BRCC3: variants seen among roughly 807,000 people sequenced by gnomAD.
BRCC3 encodes the protein BRCA1/BRCA2-containing complex subunit 3.
In BRCC3, 15 loss-of-function variants were observed where a neutral mutation model predicts 28.0. The observed-to-expected ratio is 0.54, with a 90% CI of 0.36 to 0.82. BRCC3 has a LOEUF of 0.82. BRCC3 is among the 40% of genes least tolerant of loss of function. BRCC3 has a pLI of 0.01. For synonymous variants in BRCC3, 66 were observed against 80.3 expected, an observed-to-expected ratio of 0.82 and a Z score of 0.95; for missense variants, 109 against 225.9, an observed-to-expected ratio of 0.48 and a Z score of 3.32.
intron 5 of BRCC3, among the ~76,000 whole-genome samples, chrX:155,080,034 G>T (rs187751165): frequency 1.8e-5 from 2 of 111,311 alleles, no homozygotes; most frequent in African/African-American, 6.5e-5. Flanking sequence ...TCCCAATAAA[G>T]TTGTTTTTAT....
At chrX:155,078,090 T>C (rs2074060020) in intron 4 of BRCC3, among the ~76,000 whole-genome samples, 1 of 112,696 alleles carries the variant, frequency 8.9e-6, no homozygotes, top group Non-Finnish European at 1.9e-5. Flanking sequence ...GCACTTACTC[T>C]TCACTGCTCT....
At chrX:155,082,709 A>G (rs782271726) in intron 5 of BRCC3, among the ~76,000 whole-genome samples, 1 of 112,366 alleles carries the variant, frequency 8.9e-6, no homozygotes, top group South Asian at 3.7e-4. Context: ...CCACAGTGCA[A>G]TTGTCAAAAT....
At chrX:155,095,626 T>C (rs1602785067) in intron 7 of BRCC3, among the ~76,000 whole-genome samples, 1 of 111,779 alleles carries the variant, frequency 8.9e-6, no homozygotes, top group South Asian at 3.7e-4. Context: ...TTTAATATAG[T>C]GTAGCCTAAG....
intron 7 of BRCC3, among the ~76,000 whole-genome samples, chrX:155,102,259 T>C (rs1557296961): frequency 1.8e-5 from 2 of 112,152 alleles, no homozygotes; most frequent in African/African-American, 6.5e-5. Flanking sequence ...AGGTCTTTAA[T>C]TATCTCAGTA....
intron 3 of BRCC3, among the ~76,000 whole-genome samples, chrX:155,076,419 C>A (rs1557293642): frequency 9.1e-6 from 1 of 110,376 alleles, no homozygotes; most frequent in African/African-American, 3.3e-5. Context: ...AAAAAAAAAA[C>A]TCCCTGAGAC....
chrX:155,120,056 G>A lies in BRCC3; in HGVS notation c.782G>A (p.Trp261Ter), dbSNP rs1557299238. 8.3e-7 allele frequency: 1 copy of A among 1,206,779 alleles called. No individual in the cohort carries two copies. The highest frequency in any genetic ancestry group is 2.2e-5 in the Admixed American group (1 of 46,025). The change falls in exon 10 of 11, where the codon TGG (tryptophan) becomes TAG (stop). Residue 261 changes from tryptophan (W) to a stop codon, truncating the protein, a stop_gained. Transcript: ENST00000330045. LOFTEE classifies it high-confidence loss of function. ...GCAGTCAGCGGGCCTCTCCTACAGT[G>A]GTTGGAGGACAGACTGGAGCAAAAC... ...MSAVSGPLLQ[W>*]LEDRLEQNQQ...
rs2124222538 is a variant in BRCC3, at chrX:155,071,534, G to A, written c.7G>A (p.Val3Met). 1 of 1,203,038 alleles carries A rather than the reference G, an allele frequency of 8.3e-7. No homozygotes were observed. Among genetic ancestry groups the A allele is most frequent in the East Asian group, 3.0e-5 (1 of 33,474 alleles). The stretch of plus-strand genomic sequence containing the variant: ...TGAGAAGGGTCGGGCCAAGATGGCG[G>A]TGCAGGTGGTGCAGGCGGTGCAGGC... MA[V>M]QVVQAVQAVH... Residue 3 changes from valine (V) to methionine (M), a missense_variant, in exon 1 of 11, where the codon GTG becomes ATG. Transcript: ENST00000330045.
intron 7 of BRCC3, among the ~76,000 whole-genome samples, chrX:155,096,590 T>C (rs1403918077): frequency 8.9e-6 from 1 of 112,177 alleles, no homozygotes; most frequent in African/African-American, 3.2e-5. Context: ...CTACCCAATG[T>C]CATCTACAGA....
chrX:155,075,431 C>G (rs983500654), intron 3 of BRCC3, among the ~76,000 whole-genome samples: 2 of 111,652 alleles, frequency 1.8e-5, no homozygotes, highest in African/African-American at 6.6e-5. Flanking sequence ...CTGTTTGAGT[C>G]TAAGCTATAA....
At chrX:155,116,516 G>C (rs1164851408) in intron 8 of BRCC3, among the ~76,000 whole-genome samples, 195 bp from the exon 9 acceptor site, 1 of 111,883 alleles carries the variant, frequency 8.9e-6, no homozygotes, top group Non-Finnish European at 1.9e-5. Flanking sequence ...GCTTTGGTGA[G>C]AGACAGCAAT....
intron 5 of BRCC3, among the ~76,000 whole-genome samples, chrX:155,084,426 G>A (rs1042950664): frequency 4.5e-5 from 5 of 110,734 alleles, no homozygotes; most frequent in Admixed American, 9.5e-5. Context: ...GCAGTGGCAC[G>A]ATCTCAGCTC....
intron 7 of BRCC3, among the ~76,000 whole-genome samples, chrX:155,107,600 T>A (rs1293326477): frequency 9.0e-6 from 1 of 111,709 alleles, no homozygotes; most frequent in Admixed American, 9.5e-5. Flanking sequence ...TCTCTGATAA[T>A]TCTCAACCCC....
At chrX:155,086,642 T>C (rs997429770) in intron 5 of BRCC3, among the ~76,000 whole-genome samples, 8 of 111,585 alleles carry the variant, frequency 7.2e-5, no homozygotes, top group African/African-American at 2.6e-4. Context: ...CAGCGCCATC[T>C]GGTGGATCCT....
At position 155,085,733 on chromosome X, in the gene BRCC3, C is replaced by A. The variant is rs781880388; in HGVS notation, c.404-3530C>A. Among the ~76,000 whole-genome samples, 8 of 112,357 alleles carry A rather than the reference C, an allele frequency of 7.1e-5. No individual in the cohort carries two copies. The South Asian group carries it at 3.0e-3, about 42-fold the overall frequency. On this transcript the variant is annotated intron_variant, in intron 5 of 10. Coordinates refer to ENST00000330045, the MANE Select transcript of BRCC3 (RefSeq NM_001018055.3). ...TGTCACCAGAAAGTTCCATCTCCCT[C>A]TCTCAGTAACAGGGAGAAGTGGAAC... is the stretch of plus-strand genomic sequence containing the variant.
chrX:155,102,255 T>G (rs782390050), intron 7 of BRCC3, among the ~76,000 whole-genome samples: 141 of 112,183 alleles, frequency 1.3e-3, no homozygotes, highest in African/African-American at 4.3e-3. Context: ...ATTTAGGTCT[T>G]TAATTATCTC....
At chrX:155,113,090 T>C (rs2074331681) in intron 7 of BRCC3, among the ~76,000 whole-genome samples, 1 of 100,572 alleles carries the variant, frequency 9.9e-6, no homozygotes, top group Admixed American at 1.1e-4. Context: ...TTTAATGCAA[T>C]CACTGTAAAC....
chrX:155,078,129 A>T (rs1362976592), intron 4 of BRCC3, among the ~76,000 whole-genome samples: 1 of 113,010 alleles, frequency 8.8e-6, no homozygotes, highest in Non-Finnish European at 1.9e-5. Context: ...CTCAGTCTGC[A>T]GCTGAAGAAA....
At position 155,089,312 on chromosome X, in the gene BRCC3, A is replaced by G; in HGVS notation, c.453A>G (p.Gly151=). ...MYQMMDQGFV[G]LIFSCFIEDK... ...AGATGATGGATCAAGGCTTTGTAGG[A>G]CTTATTTTTTCCTGTTTCATAGAAG... Residue 151 remains glycine (G), a synonymous_variant, in exon 6 of 11, where the codon GGA becomes GGG. Transcript: ENST00000330045. The G allele has an allele frequency of 8.5e-7, 1 of 1,180,700 alleles. No individual in the cohort carries two copies. Among genetic ancestry groups the G allele is most frequent in the Non-Finnish European group, 1.1e-6 (1 of 877,645 alleles).
intron 7 of BRCC3, among the ~76,000 whole-genome samples, chrX:155,101,564 A>G (rs1189380891): frequency 2.7e-5 from 3 of 112,174 alleles, no homozygotes; most frequent in Non-Finnish European, 3.8e-5. Context: ...ATTTATTTAT[A>G]TTAATGTGAA....
Sources: allele counts gnomAD v4.1 joint callset (sites outside exome capture counted in the v4.1 genomes callset), GRCh38; gene constraint gnomAD v4.1.1; transcripts MANE v1.5; gene names NCBI Gene and HGNC (gene_info 2026-07-23, HGNC 2026-07-21).